ANO3: variants seen among roughly 807,000 people sequenced by gnomAD.
ANO3 encodes the protein anoctamin-3.
Under a neutral mutation model 144.8 loss-of-function variants are expected in ANO3, and 99 were observed. The observed-to-expected ratio is 0.68, with a 90% CI of 0.58 to 0.81. ANO3 has a LOEUF of 0.81. Among genes scored for constraint, ANO3 ranks in the 30% least tolerant of loss-of-function variants. The pLI, the probability that ANO3 is intolerant of heterozygous loss-of-function variation, is 0.00. For synonymous variants in ANO3, 414 were observed against 392.6 expected (o/e 1.05, Z -0.64); for missense variants, 905 against 1,202.2 (o/e 0.75, Z 3.66).
At chr11:26,463,173 A>G in intron 4 of ANO3, 25 bp downstream of exon 4, 2 of 1,208,682 alleles carry the variant, frequency 1.7e-6, no homozygotes, top group Non-Finnish European at 2.4e-6. Context: ...ATTATCAATA[A>G]GTCATTTTTA....
intron 17 of ANO3, among the ~76,000 whole-genome samples, chr11:26,611,506 A>G (rs751857094): frequency 1.4e-4 from 22 of 152,188 alleles, no homozygotes; most frequent in Non-Finnish European, 2.6e-4. Flanking sequence ...AAATTTTTTA[A>G]GACTAGTTTT....
At chr11:26,227,961 T>C (rs1041517778) in intron 1 of ANO3, among the ~76,000 whole-genome samples, 2 of 152,200 alleles carry the variant, frequency 1.3e-5, no homozygotes, top group Non-Finnish European at 1.5e-5. Context: ...GTTTAAAAAC[T>C]TAAGCCTACC....
chr11:26,429,234 A>G (rs964933002), intron 1 of ANO3, among the ~76,000 whole-genome samples: 2 of 152,172 alleles, frequency 1.3e-5, no homozygotes, highest in Admixed American at 6.5e-5. Context: ...CCAACAATGG[A>G]GAAGATGAGA....
chr11:26,245,530 T>C (rs74912208), intron 1 of ANO3, among the ~76,000 whole-genome samples: 2,610 of 152,318 alleles, frequency 0.017, 59 homozygotes, highest in East Asian at 0.13. Flanking sequence ...GATTTTGTTA[T>C]TATCATGAAG....
At chr11:26,309,611 A>G (rs1438174519) in exon 1 of ANO3, 1 of 969,002 alleles carries the variant, frequency 1.0e-6, no homozygotes, top group African/African-American at 1.8e-5. Context: ...GTTTCTGAGC[A>G]ATTTTTATTT....
chr11:26,212,773 CTT>C (rs1301413868), intron 1 of ANO3, among the ~76,000 whole-genome samples: 1 of 151,366 alleles, frequency 6.6e-6, no homozygotes, highest in African/African-American at 2.4e-5. Flanking sequence ...ACTCCTCCCT[CTT>C]TTTATGAGGC....
chr11:26,323,775 T>C (rs1854818780), intron 1 of ANO3, among the ~76,000 whole-genome samples: 1 of 152,200 alleles, frequency 6.6e-6, no homozygotes, highest in Non-Finnish European at 1.5e-5. Flanking sequence ...ATTCTTAGAA[T>C]TCTGGAAATC....
intron 6 of ANO3, among the ~76,000 whole-genome samples, chr11:26,522,100 C>T (rs1439079228): frequency 6.6e-6 from 1 of 151,958 alleles, no homozygotes; most frequent in Non-Finnish European, 1.5e-5. Context: ...AAGAGAATGG[C>T]GTGAACCCGG....
intron 1 of ANO3, among the ~76,000 whole-genome samples, chr11:26,258,711 T>C (rs569766628): frequency 6.6e-6 from 1 of 152,224 alleles, no homozygotes; most frequent in South Asian, 2.1e-4. Flanking sequence ...AGAATTAAGA[T>C]GCAAGGTTAA....
chr11:26,521,325 A>G (rs1862066294), intron 6 of ANO3, among the ~76,000 whole-genome samples: 1 of 152,194 alleles, frequency 6.6e-6, no homozygotes, highest in South Asian at 2.1e-4. Flanking sequence ...ACTCATACAG[A>G]GCAGTTCCAT....
intron 14 of ANO3, among the ~76,000 whole-genome samples, chr11:26,573,656 C>G (rs1850911942): frequency 6.6e-6 from 1 of 152,096 alleles, no homozygotes; most frequent in Non-Finnish European, 1.5e-5. Flanking sequence ...TGCTATAGCT[C>G]TCCGTTTTCA....
Position 26,332,335 on chromosome 11 carries a change from T to C in ANO3, c.46+14T>C. ...AACAGCAAAAAGGTCAGTTGGAATC[T>C]TGCTCCCCTCTCCCTGCGGGCGTCA... On this transcript the variant is annotated intron_variant, in intron 1 of 26. Transcript: ENST00000256737. 3 of 1,613,664 alleles carry C rather than the reference T, an allele frequency of 1.9e-6. No homozygotes were observed. The highest frequency in any genetic ancestry group is 2.5e-6 in the Non-Finnish European group (3 of 1,179,872).
At chr11:26,257,078 T>C (rs1362990075) in intron 1 of ANO3, among the ~76,000 whole-genome samples, 1 of 152,202 alleles carries the variant, frequency 6.6e-6, no homozygotes, top group African/African-American at 2.4e-5. Flanking sequence ...AAAAGGAATA[T>C]AGAATTGAAG....
rs999008324 is a variant in ANO3 at position 26,535,027 on chromosome 11, T to C, written c.976+465T>C. On this transcript the variant is annotated intron_variant, in intron 9 of 26. Transcript: ENST00000256737. The stretch of plus-strand genomic sequence containing the variant: ...TATTTTAACATAAAAATTTCAAGCA[T>C]CTGTTTTACAAAGTATATGACATAA... Among the ~76,000 whole-genome samples the C allele has an allele frequency of 1.3e-4, 20 of 152,284 alleles. 1 individual carries two copies. Among genetic ancestry groups the C allele is most frequent in the African/African-American group, 4.6e-4 (19 of 41,562 alleles).
At position 26,597,462 on chromosome 11, in the gene ANO3, C is replaced by T. The variant is rs78667357; in HGVS notation, c.1448-903C>T. Among the ~76,000 whole-genome samples the T allele has an allele frequency of 4.6e-5, 7 of 152,264 alleles. No individual in the cohort carries two copies. The East Asian group carries it at 9.7e-4, about 21-fold the overall frequency. On this transcript the variant is annotated intron_variant, in intron 14 of 26. Transcript: ENST00000256737. ...GGATCCAGAGCGGCAATGGGCGCCT[C>T]GCTGAATCAGGAGCACAGTGGACAC... is the stretch of plus-strand genomic sequence containing the variant.
intron 1 of ANO3, among the ~76,000 whole-genome samples, chr11:26,256,795 T>C (rs1046692129): frequency 6.6e-6 from 1 of 152,136 alleles, no homozygotes; most frequent in Admixed American, 6.6e-5. Context: ...AATAGGTGTG[T>C]CTTTTTTTTT....
At chr11:26,207,479 C>T (rs1022522588) in intron 1 of ANO3, among the ~76,000 whole-genome samples, 2 of 152,050 alleles carry the variant, frequency 1.3e-5, no homozygotes, top group African/African-American at 4.8e-5. Flanking sequence ...ACTTCTTCAC[C>T]CTTTCAAACA....
At chr11:26,314,041 A>G (rs1854566437) in intron 1 of ANO3, among the ~76,000 whole-genome samples, 2 of 152,062 alleles carry the variant, frequency 1.3e-5, no homozygotes. Context: ...CCTAGAGAGG[A>G]ATACAGTGTT....
chr11:26,477,311 C>A (rs1379589030), intron 4 of ANO3, among the ~76,000 whole-genome samples: 1 of 152,064 alleles, frequency 6.6e-6, no homozygotes, highest in Non-Finnish European at 1.5e-5. Context: ...CTTCCAGATA[C>A]CAGTGACTCC....
Sources: allele counts gnomAD v4.1 joint callset (sites outside exome capture counted in the v4.1 genomes callset), GRCh38; gene constraint gnomAD v4.1.1; transcripts MANE v1.5; gene names NCBI Gene and HGNC (gene_info 2026-07-23, HGNC 2026-07-21).